GNB1L: variants seen among roughly 807,000 people sequenced by gnomAD.
GNB1L encodes the protein G protein subunit beta 1 like, also known as guanine nucleotide-binding protein subunit beta-like protein 1.
A neutral mutation model predicts 29.1 loss-of-function variants in GNB1L; 20 were observed. The observed-to-expected ratio is 0.69, with a 90% confidence interval of 0.48 to 1.00. GNB1L has a LOEUF of 1.00. GNB1L is among the 50% of genes least tolerant of loss of function. The probability of loss-of-function intolerance (pLI) is 0.00; values close to 1 mark genes in which losing one functional copy is unlikely to be tolerated. For missense variants in GNB1L, 421 were observed against 464.9 expected, an observed-to-expected ratio of 0.91 and a Z score of 0.87; for synonymous variants, 193 against 206.5, an observed-to-expected ratio of 0.93 and a Z score of 0.56.
At chr22:19,822,472 G>A (rs1004486429) in intron 2 of GNB1L, among the ~76,000 whole-genome samples, 1 of 152,212 alleles carries the variant, frequency 6.6e-6, no homozygotes, top group Non-Finnish European at 1.5e-5. Flanking sequence ...TGCTCTGTGG[G>A]GTGGCCCTGG....
chr22:19,822,263 G>C (rs889796116), intron 2 of GNB1L, among the ~76,000 whole-genome samples: 8 of 152,252 alleles, frequency 5.3e-5, no homozygotes, highest in African/African-American at 1.9e-4. Flanking sequence ...GAAGGGCAGA[G>C]TGGCTGGGGC....
intron 5 of GNB1L, among the ~76,000 whole-genome samples, chr22:19,810,964 G>A (rs527279648): frequency 1.4e-4 from 21 of 152,332 alleles, no homozygotes; most frequent in Middle Eastern, 3.4e-3. Flanking sequence ...GCTGGCTGGC[G>A]GCCTGGGGGT....
intron 2 of GNB1L, chr22:19,852,354 A>G: frequency 7.2e-7 from 1 of 1,398,244 alleles, no homozygotes; most frequent in Non-Finnish European, 9.8e-7. Context: ...CAGGACAGGG[A>G]TGGCTGAACA....
At chr22:19,850,514 G>A in intron 2 of GNB1L, 2 of 1,060,340 alleles carry the variant, frequency 1.9e-6, no homozygotes, top group Non-Finnish European at 2.3e-6. Context: ...GCTGAGCCTG[G>A]CAAGGGGCTT....
Position 19,783,514 on chromosome 22 carries a change from C to A in GNB1L, c.*5195G>T. 1.4e-5 allele frequency: 3 copies of A among 207,756 alleles called. No homozygotes were observed. Among genetic ancestry groups the A allele is most frequent in the Non-Finnish European group, 3.0e-5 (3 of 101,128 alleles). 12.9% of individuals were successfully genotyped at this position (207,756 alleles called of 1,614,324 possible). A position where few individuals can be genotyped will look rare whatever the true frequency, so the allele number is the denominator to read the frequency against. On this transcript the variant is annotated 3_prime_UTR_variant, in exon 8 of 8. Coordinates refer to ENST00000329517, the MANE Select transcript of GNB1L (RefSeq NM_053004.3). ...GCAGTAAGCTATGATCATGCCACTG[C>A]ACTCCAGCCTGGGTGACAGAGTGAG...
At chr22:19,840,486 G>C (rs1348783363) in intron 2 of GNB1L, among the ~76,000 whole-genome samples, 1 of 152,210 alleles carries the variant, frequency 6.6e-6, no homozygotes, top group Non-Finnish European at 1.5e-5. Context: ...GCTAGGTCAT[G>C]CTGACCACAC....
At chr22:19,832,790 C>A (rs535928337) in intron 2 of GNB1L, among the ~76,000 whole-genome samples, 2 of 152,210 alleles carry the variant, frequency 1.3e-5, no homozygotes, top group East Asian at 3.9e-4. Flanking sequence ...AAAAGTTCCC[C>A]AATTCTGTGA....
rs549891490 is a variant in GNB1L at position 19,852,882 on chromosome 22, A to C, written c.-21+1561T>G. On this transcript the variant is annotated intron_variant, in intron 2 of 7. Transcript: ENST00000329517. ...CCACACACTAACCCATAAGTGGTGGAAGCAGCAAAAACTGGCTGGAGAGAC... is the reference window on the plus strand; with the variant it reads ...CCACACACTAACCCATAAGTGGTGGCAGCAGCAAAAACTGGCTGGAGAGAC... Among the ~76,000 whole-genome samples, 48 of 152,268 alleles carry C rather than the reference A, an allele frequency of 3.2e-4. No individual in the cohort carries two copies. In the East Asian group the frequency reaches 7.5e-3, roughly 24 times the overall value.
rs1937175105 is a variant in GNB1L at position 19,784,597 on chromosome 22, G to A, written c.*4112C>T. ...GCTGCCCGCCCGCGGATGGGGTGCT[G>A]GCCGAACCTACCTTGTAAAGTGGGG... On this transcript the variant is annotated 3_prime_UTR_variant, in exon 8 of 8. Coordinates refer to ENST00000329517, the MANE Select transcript of GNB1L (RefSeq NM_053004.3). The A allele has an allele frequency of 6.6e-6, 1 of 152,434 alleles. No individual in the cohort carries two copies. The highest frequency in any genetic ancestry group is 1.5e-5 in the Non-Finnish European group (1 of 68,194). The allele number at this position is 152,434 out of a possible 1,614,324, so 9.4% of individuals were successfully genotyped here.
intron 2 of GNB1L, among the ~76,000 whole-genome samples, chr22:19,828,055 G>T (rs189827554): frequency 8.3e-4 from 126 of 152,338 alleles, no homozygotes; most frequent in South Asian, 3.5e-3. Flanking sequence ...CAAGAGACAT[G>T]AAGGGAGTCA....
intron 5 of GNB1L, among the ~76,000 whole-genome samples, chr22:19,808,340 C>T (rs755507007): frequency 4.6e-5 from 7 of 152,136 alleles, no homozygotes; most frequent in African/African-American, 1.4e-4. Context: ...AAGGGGCCCC[C>T]GGGGAACAAA....
chr22:19,785,675 C>T lies in GNB1L; in HGVS notation c.*3034G>A, dbSNP rs1937186515. On this transcript the variant is annotated 3_prime_UTR_variant, in exon 8 of 8. Transcript: ENST00000329517. The surrounding 1 kb of genome is among the most constrained non-coding windows in gnomAD (Gnocchi z 4.1). ...TTCATCCCAGGAGCTGCATGCTGAC[C>T]TTCGCGTGCTGCCTCCGGGCCACCC... 1 of 152,304 alleles carries T rather than the reference C, an allele frequency of 6.6e-6. No individual in the cohort carries two copies. Among genetic ancestry groups the T allele is most frequent in the African/African-American group, 2.4e-5 (1 of 41,462 alleles). The allele number at this position is 152,304 out of a possible 1,614,324, so 9.4% of individuals were successfully genotyped here. A position where few individuals can be genotyped will look rare whatever the true frequency, so the allele number is the denominator to read the frequency against.
intron 2 of GNB1L, chr22:19,850,973 G>C (rs891472316): frequency 7.1e-7 from 1 of 1,406,232 alleles, no homozygotes; most frequent in East Asian, 2.6e-5. Flanking sequence ...GGCACAGGGC[G>C]GAGGTCAAGC....
intron 4 of GNB1L, among the ~76,000 whole-genome samples, chr22:19,819,088 C>T (rs1465448321): frequency 5.3e-5 from 8 of 152,236 alleles, no homozygotes; most frequent in South Asian, 2.1e-4. Context: ...GGCTAACCCT[C>T]GGGGGCTGCC....
At chr22:19,825,409 C>A (rs1937612673) in intron 2 of GNB1L, among the ~76,000 whole-genome samples, 2 of 152,052 alleles carry the variant, frequency 1.3e-5, no homozygotes, top group South Asian at 4.1e-4. Context: ...TGCTTGAGCC[C>A]AGGAGTTCAA....
In GNB1L at chr22:19,802,212, T is replaced by G; in HGVS notation, c.521A>C (p.Asp174Ala). 6.2e-7 allele frequency: 1 copy of G among 1,612,354 alleles called. No homozygotes were observed. The highest frequency in any genetic ancestry group is 8.5e-7 in the Non-Finnish European group (1 of 1,179,922). ...CAGAAGGAGTGGGCGGGAGCTGCAG[T>G]CGGCCTGCGGGGAACAGCAGAGCAG... ...MPMCLRLWQADCSSRPLLLAG... is the reference protein window; with the variant it reads ...MPMCLRLWQAACSSRPLLLAG... The change falls in exon 7 of 8, where the codon GAC becomes GCC. Residue 174 changes from aspartate to alanine, a missense_variant. Physicochemically the swap from Asp to Ala is moderately radical, Grantham distance 126. Transcript: ENST00000329517.
At chr22:19,850,695 G>A in intron 2 of GNB1L, 3 of 1,233,846 alleles carry the variant, frequency 2.4e-6, no homozygotes, top group Non-Finnish European at 3.0e-6. Context: ...GTCACAGGGA[G>A]CAGAGAGGGT....
intron 7 of GNB1L, among the ~76,000 whole-genome samples, chr22:19,800,643 G>A (rs143493434): frequency 1.3e-4 from 20 of 152,304 alleles, no homozygotes; most frequent in African/African-American, 3.6e-4. Context: ...CCTTCCTCCC[G>A]GGGAGACATG....
At chr22:19,846,454 C>T (rs1469317795) in intron 2 of GNB1L, 1 of 985,244 alleles carries the variant, frequency 1.0e-6, no homozygotes, top group Non-Finnish European at 1.2e-6. Flanking sequence ...AGTATGGGCC[C>T]CAGAACCCAG....
Sources: gnomAD v4.1 joint callset for allele counts (sites outside exome capture counted in the v4.1 genomes callset) on GRCh38, gnomAD v4.1.1 for gene constraint, Gnocchi (gnomAD v3.1) non-coding constraint, MANE v1.5 for transcripts, NCBI Gene and HGNC (gene_info 2026-07-23, HGNC 2026-07-21) for gene names.